Variants in ANTXR1 observed in about 807,000 individuals in gnomAD.
The protein encoded by ANTXR1 is anthrax toxin receptor 1.
A neutral mutation model predicts 78.1 loss-of-function variants in ANTXR1; 19 were observed. That is an observed-to-expected ratio of 0.24 (90% confidence interval 0.17 to 0.36). The LOEUF (loss-of-function observed/expected upper bound fraction) is 0.36. Ranked by LOEUF, ANTXR1 falls within the 10% of genes least tolerant of loss-of-function variation. The probability of loss-of-function intolerance (pLI) is 1.00; values close to 1 mark genes in which losing one functional copy is unlikely to be tolerated. For synonymous variants in ANTXR1, 273 were observed against 260.5 expected, an observed-to-expected ratio of 1.05 and a Z score of -0.46; for missense variants, 518 against 718.6, an observed-to-expected ratio of 0.72 and a Z score of 3.19.
At chr2:69,119,242 G>A (rs2104365785) in intron 10 of ANTXR1, among the ~76,000 whole-genome samples, 1 of 152,348 alleles carries the variant, frequency 6.6e-6, no homozygotes, top group East Asian at 1.9e-4. Flanking sequence ...CCAGCCTGGA[G>A]TCTCCCTGGC....
At chr2:69,149,962 G>A (rs1673346554) in intron 12 of ANTXR1, among the ~76,000 whole-genome samples, 1 of 152,174 alleles carries the variant, frequency 6.6e-6, no homozygotes, top group Non-Finnish European at 1.5e-5. Flanking sequence ...TCCATCGTCT[G>A]GCCCCTGTGC....
In ANTXR1 at chr2:69,145,249, C is replaced by G. The variant is rs1166126748; in HGVS notation, c.952-6920C>G. The G allele has an allele frequency of 1.7e-5, 25 of 1,441,956 alleles. No homozygotes were observed. In the African/African-American group the frequency reaches 3.1e-4, roughly 18 times the overall value. 89.3% of individuals were successfully genotyped at this position (1,441,956 alleles called of 1,614,324 possible). On this transcript the variant is annotated intron_variant, in intron 12 of 17. Transcript: ENST00000303714. ...TTAGGGACCCTCACTTGCATGGGTC[C>G]CTGCTAGGCCCTTCTAAGGCCAGGG...
chr2:69,228,173 A>G, intron 17 of ANTXR1, among the ~76,000 whole-genome samples: 1 of 152,186 alleles, frequency 6.6e-6, no homozygotes, highest in South Asian at 2.1e-4. Context: ...ATAAGGGGAG[A>G]GGCACATAGG....
chr2:69,031,307 T>A (rs2104030440), intron 1 of ANTXR1, among the ~76,000 whole-genome samples: 1 of 152,332 alleles, frequency 6.6e-6, no homozygotes, highest in South Asian at 2.1e-4. Flanking sequence ...CCATCTTGAA[T>A]TTTGTTAAGT....
At chr2:69,130,098 C>T (rs532944361) in intron 12 of ANTXR1, among the ~76,000 whole-genome samples, 1 of 151,968 alleles carries the variant, frequency 6.6e-6, no homozygotes, top group Admixed American at 6.5e-5. Flanking sequence ...AAGTTGGCAA[C>T]TATCTTTGTA....
At chr2:69,060,735 C>A (rs184243798) in intron 3 of ANTXR1, among the ~76,000 whole-genome samples, 2 of 152,218 alleles carry the variant, frequency 1.3e-5, no homozygotes, top group Admixed American at 1.3e-4. Flanking sequence ...GCGGGCCTTG[C>A]TAGAAGCAGT....
At chr2:69,097,220 A>G (rs1671458603) in intron 9 of ANTXR1, among the ~76,000 whole-genome samples, 1 of 152,220 alleles carries the variant, frequency 6.6e-6, no homozygotes, top group Non-Finnish European at 1.5e-5. Context: ...TGTGCTATGT[A>G]AGCAAGGATG....
Position 69,248,992 on chromosome 2 carries a change from TCTAA to T in ANTXR1, c.*3510_*3513del, listed in dbSNP as rs1335743014. ...TTTAATACACTTAACATTAAACTCT[TCTAA>T]CTTTCTTCTTTCTGTGATAATTCAG... On this transcript the variant is annotated 3_prime_UTR_variant, in exon 18 of 18. Coordinates refer to ENST00000303714, the MANE Select transcript of ANTXR1 (RefSeq NM_032208.3). 5 of 152,266 alleles carry T rather than the reference TCTAA, an allele frequency of 3.3e-5. No individual in the cohort carries two copies. Among genetic ancestry groups the T allele is most frequent in the East Asian group, 1.9e-4 (1 of 5,204 alleles). 9.4% of individuals were successfully genotyped at this position (152,266 alleles called of 1,614,324 possible).
intron 10 of ANTXR1, among the ~76,000 whole-genome samples, chr2:69,105,873 C>A (rs1671791454): frequency 6.6e-6 from 1 of 152,136 alleles, no homozygotes; most frequent in African/African-American, 2.4e-5. Flanking sequence ...TGGCTCTAGC[C>A]ACTTCAAACA....
At chr2:69,052,280 A>T (rs1573814575) in intron 3 of ANTXR1, among the ~76,000 whole-genome samples, 1 of 152,026 alleles carries the variant, frequency 6.6e-6, no homozygotes, top group Non-Finnish European at 1.5e-5. Flanking sequence ...TCAGTTTGCT[A>T]AGTCTTTTTT....
chr2:69,193,906 G>A (rs1317493276), intron 17 of ANTXR1, among the ~76,000 whole-genome samples: 1 of 152,154 alleles, frequency 6.6e-6, no homozygotes, highest in Non-Finnish European at 1.5e-5. Flanking sequence ...GCAGGTGTGG[G>A]GCCCAGCTAG....
chr2:69,017,351 G>T (rs1417895361), intron 1 of ANTXR1, among the ~76,000 whole-genome samples: 1 of 152,114 alleles, frequency 6.6e-6, no homozygotes, highest in Non-Finnish European at 1.5e-5. Flanking sequence ...AGATCCTTTC[G>T]CTGGCAAGAC....
chr2:69,152,084 C>T, intron 12 of ANTXR1, 85 bp from the exon 13 acceptor site: 1 of 1,328,008 alleles, frequency 7.5e-7, no homozygotes, highest in Non-Finnish European at 1.1e-6. Flanking sequence ...AGCCTTAAAT[C>T]TGCATATCAG....
At chr2:69,028,224 C>T (rs1671411242) in intron 1 of ANTXR1, among the ~76,000 whole-genome samples, 1 of 152,176 alleles carries the variant, frequency 6.6e-6, no homozygotes, top group East Asian at 1.9e-4. Context: ...TTTGAAAATG[C>T]AGATTAAGTA....
At chr2:69,069,082 C>T (rs771211161) in intron 3 of ANTXR1, among the ~76,000 whole-genome samples, 2 of 152,166 alleles carry the variant, frequency 1.3e-5, no homozygotes, top group Non-Finnish European at 2.9e-5. Context: ...GAAGCATCAG[C>T]AGCCCAGGGA....
chr2:69,240,942 C>A (rs568438339), intron 17 of ANTXR1, among the ~76,000 whole-genome samples: 4 of 152,296 alleles, frequency 2.6e-5, no homozygotes, highest in African/African-American at 9.6e-5. Flanking sequence ...ATCAAAATGG[C>A]ACTTTCAAGC....
chr2:69,054,252 C>T (rs1156248759), intron 3 of ANTXR1, among the ~76,000 whole-genome samples: 3 of 152,122 alleles, frequency 2.0e-5, no homozygotes, highest in Admixed American at 6.6e-5. Context: ...ACTCAAGAAG[C>T]GCTATCCCAG....
intron 13 of ANTXR1, among the ~76,000 whole-genome samples, chr2:69,169,555 G>A (rs1486483012): frequency 2.6e-5 from 4 of 152,242 alleles, no homozygotes; most frequent in East Asian, 1.9e-4. Flanking sequence ...TCATGGGTTA[G>A]ACTGTCTCCC....
At chr2:69,222,142 T>C (rs1675335181) in intron 17 of ANTXR1, among the ~76,000 whole-genome samples, 1 of 152,188 alleles carries the variant, frequency 6.6e-6, no homozygotes, top group Non-Finnish European at 1.5e-5. Context: ...GGACACTCAT[T>C]TGCAAGTTCA....
Sources: allele counts gnomAD v4.1 joint callset (sites outside exome capture counted in the v4.1 genomes callset), GRCh38; gene constraint gnomAD v4.1.1; transcripts MANE v1.5; gene names NCBI Gene and HGNC (gene_info 2026-07-23, HGNC 2026-07-21).